Variants in CLVS1 observed in about 807,000 individuals in gnomAD.
CLVS1 encodes clavesin-1.
Under a neutral mutation model 33.1 loss-of-function variants are expected in CLVS1, and 10 were observed. The ratio of observed to expected loss-of-function variants is 0.30; its 90% CI spans 0.19 to 0.51. CLVS1 has a LOEUF of 0.51. Ranked by LOEUF, CLVS1 falls within the 20% of genes least tolerant of loss-of-function variation. CLVS1 has a pLI of 0.97. For missense variants in CLVS1, 343 were observed against 433.4 expected (o/e 0.79, Z 1.85); for synonymous variants, 163 against 166.1 (o/e 0.98, Z 0.14).
chr8:61,279,075 G>A (rs555258576), intron 2 of CLVS1, among the ~76,000 whole-genome samples: 2 of 152,316 alleles, frequency 1.3e-5, no homozygotes, highest in African/African-American at 2.4e-5. Context: ...TGTGGGAGCC[G>A]GGGCCTCGCC....
the CLVS1 span, among the ~76,000 whole-genome samples, chr8:61,045,468 C>G: frequency 6.6e-6 from 1 of 152,132 alleles, no homozygotes; most frequent in Non-Finnish European, 1.5e-5. Context: ...CTATTCTACC[C>G]CATGCCACAC....
At chr8:61,198,847 C>T (rs1331800896) in intron 2 of CLVS1, among the ~76,000 whole-genome samples, 1 of 152,170 alleles carries the variant, frequency 6.6e-6, no homozygotes, top group Non-Finnish European at 1.5e-5. Flanking sequence ...AGTTACTTCA[C>T]TTAGGATAAT....
At chr8:61,413,676 G>C (rs2129604194) in intron 3 of CLVS1, among the ~76,000 whole-genome samples, 1 of 152,236 alleles carries the variant, frequency 6.6e-6, no homozygotes, top group South Asian at 2.1e-4. Flanking sequence ...AAAACTCAAG[G>C]CTTCAATTCC....
intron 1 of CLVS1, among the ~76,000 whole-genome samples, chr8:61,107,789 T>A (rs535127250): frequency 6.6e-6 from 1 of 152,370 alleles, no homozygotes; most frequent in South Asian, 2.1e-4. Context: ...TAAAAATATT[T>A]CCCTCATTCC....
intron 1 of CLVS1, among the ~76,000 whole-genome samples, chr8:61,291,260 G>A (rs562807744): frequency 6.6e-6 from 1 of 152,216 alleles, no homozygotes; most frequent in East Asian, 1.9e-4. Flanking sequence ...TGTGTGGTAG[G>A]CTAATTTCCT....
chr8:61,361,191 C>A (rs1245427927), intron 2 of CLVS1, among the ~76,000 whole-genome samples: 1 of 152,196 alleles, frequency 6.6e-6, no homozygotes, highest in Admixed American at 6.5e-5. Context: ...ATACAATCAC[C>A]TCCCACCAGG....
chr8:61,288,283 G>C (rs768287914), intron 1 of CLVS1, 145 bp downstream of exon 1: 1 of 455,860 alleles, frequency 2.2e-6, no homozygotes, highest in Non-Finnish European at 4.4e-6. Flanking sequence ...CATCCCTCCC[G>C]CACCGCACCC....
intron 2 of CLVS1, among the ~76,000 whole-genome samples, chr8:61,135,554 G>C (rs988382814): frequency 1.3e-5 from 2 of 152,212 alleles, no homozygotes; most frequent in Non-Finnish European, 2.9e-5. Context: ...GAGAGAGTAG[G>C]AATAAGAGCA....
intron 3 of CLVS1, among the ~76,000 whole-genome samples, chr8:61,448,310 C>A (rs772876339): frequency 2.0e-5 from 3 of 152,022 alleles, no homozygotes; most frequent in Non-Finnish European, 4.4e-5. Flanking sequence ...AAGTTTTCAG[C>A]CATTATTTTC....
chr8:61,339,703 G>C (rs2129598053), intron 2 of CLVS1, among the ~76,000 whole-genome samples: 1 of 151,782 alleles, frequency 6.6e-6, no homozygotes, highest in African/African-American at 2.4e-5. Flanking sequence ...AAGAGAGGGA[G>C]AGAGAGAAAG....
intron 2 of CLVS1, among the ~76,000 whole-genome samples, chr8:61,308,230 A>G (rs765988475): frequency 6.6e-5 from 10 of 152,206 alleles, no homozygotes; most frequent in Non-Finnish European, 1.5e-4. Context: ...TCACTAAGTT[A>G]CTAATGACAT....
chr8:61,335,852 G>C (rs1392113688), intron 2 of CLVS1, among the ~76,000 whole-genome samples: 1 of 152,174 alleles, frequency 6.6e-6, no homozygotes, highest in Non-Finnish European at 1.5e-5. Context: ...TGGGGCACGT[G>C]TTCCCTGCAC....
chr8:61,147,405 T>C (rs1317004113), intron 2 of CLVS1, among the ~76,000 whole-genome samples: 2 of 152,148 alleles, frequency 1.3e-5, no homozygotes, highest in African/African-American at 4.8e-5. Flanking sequence ...GGGGAATACA[T>C]AGTAATTGAA....
intron 2 of CLVS1, among the ~76,000 whole-genome samples, chr8:61,277,399 G>T (rs1362167523): frequency 6.6e-6 from 1 of 152,196 alleles, no homozygotes; most frequent in East Asian, 1.9e-4. Flanking sequence ...CTGAGCTACT[G>T]GTTCGGGGTC....
chr8:61,302,444 G>C (rs1317891654), intron 2 of CLVS1, among the ~76,000 whole-genome samples: 1 of 152,066 alleles, frequency 6.6e-6, no homozygotes. Flanking sequence ...CTTGTCTTAG[G>C]GCACTGAGGA....
intron 5 of CLVS1, among the ~76,000 whole-genome samples, chr8:61,467,680 C>T (rs1817596805): frequency 1.3e-5 from 2 of 152,266 alleles, no homozygotes; most frequent in Admixed American, 1.3e-4. Context: ...CCTGCCATGG[C>T]CAGCAGGGGG....
At chr8:61,333,578 G>C (rs1360587940) in intron 2 of CLVS1, among the ~76,000 whole-genome samples, 1 of 152,152 alleles carries the variant, frequency 6.6e-6, no homozygotes, top group Admixed American at 6.5e-5. Context: ...AAACCAATCT[G>C]GATTAGTAAG....
chr8:61,097,426 C>T (rs1311940260), intron 1 of CLVS1, among the ~76,000 whole-genome samples: 1 of 152,154 alleles, frequency 6.6e-6, no homozygotes, highest in Non-Finnish European at 1.5e-5. Context: ...TCTCACAGTA[C>T]TGTGCCTTTT....
chr8:61,042,211 A>G, the CLVS1 span, among the ~76,000 whole-genome samples: 1 of 152,228 alleles, frequency 6.6e-6, no homozygotes, highest in Non-Finnish European at 1.5e-5. Context: ...GGTCATGAGG[A>G]TTAAATAAAA....
Sources: allele counts gnomAD v4.1 joint callset (sites outside exome capture counted in the v4.1 genomes callset), GRCh38; gene constraint gnomAD v4.1.1; transcripts MANE v1.5; gene names NCBI Gene and HGNC (gene_info 2026-07-23, HGNC 2026-07-21).